PRKCA: variants seen among roughly 807,000 people sequenced by gnomAD.
PRKCA encodes the protein protein kinase C alpha type.
In PRKCA, 27 loss-of-function variants were observed where a neutral mutation model predicts 87.0. The observed-to-expected ratio is 0.31, with a 90% CI of 0.23 to 0.43. The LOEUF is 0.43. Among genes scored for constraint, PRKCA ranks in the 20% least tolerant of loss-of-function variants. The pLI is 1.00. For synonymous variants in PRKCA, 329 were observed against 311.1 expected, an observed-to-expected ratio of 1.06 and a Z score of -0.61; for missense variants, 518 against 852.3, an observed-to-expected ratio of 0.61 and a Z score of 4.88.
At chr17:66,671,941 T>A (rs1231061490) in intron 5 of PRKCA, among the ~76,000 whole-genome samples, 1 of 152,166 alleles carries the variant, frequency 6.6e-6, no homozygotes, top group Non-Finnish European at 1.5e-5. Flanking sequence ...TGTTGAGAAG[T>A]TGTCTAAACA....
intron 2 of PRKCA, among the ~76,000 whole-genome samples, chr17:66,467,177 T>C (rs1915124595): frequency 6.6e-6 from 1 of 152,116 alleles, no homozygotes; most frequent in Admixed American, 6.5e-5. Flanking sequence ...AAAGATCTTT[T>C]GGTTTGTATC....
intron 5 of PRKCA, among the ~76,000 whole-genome samples, chr17:66,649,097 CAA>C (rs919549017): frequency 2.5e-4 from 22 of 89,652 alleles, no homozygotes; most frequent in Non-Finnish European, 3.1e-4. Flanking sequence ...GAGTCCATCT[CAA>C]AAAAAAAAAA....
intron 3 of PRKCA, among the ~76,000 whole-genome samples, chr17:66,514,736 T>G (rs904638588): frequency 4.6e-5 from 7 of 152,018 alleles, no homozygotes; most frequent in Non-Finnish European, 8.8e-5. Flanking sequence ...GAGCCAAAGG[T>G]GAACTCAAAT....
intron 3 of PRKCA, among the ~76,000 whole-genome samples, chr17:66,568,615 G>A (rs1342322222): frequency 6.6e-6 from 1 of 152,074 alleles, no homozygotes; most frequent in East Asian, 1.9e-4. Context: ...TTTTTAAAAT[G>A]AAATTTTAAA....
chr17:66,645,559 G>A, intron 5 of PRKCA, 48 bp downstream of exon 5: 1 of 1,611,492 alleles, frequency 6.2e-7, no homozygotes, highest in Non-Finnish European at 8.5e-7. Flanking sequence ...GCATTTGGAT[G>A]AAGGTTACAC....
intron 8 of PRKCA, among the ~76,000 whole-genome samples, chr17:66,694,212 G>A (rs143159523): frequency 3.3e-5 from 5 of 152,192 alleles, no homozygotes; most frequent in African/African-American, 7.2e-5. Context: ...GGCCAGGCGC[G>A]GTGGCTCACG....
At position 66,503,796 on chromosome 17, in the gene PRKCA, G is replaced by T. The variant is rs61337606; in HGVS notation, c.288+7513G>T. ...AGATTCATTTATAATAAAATTTAAAGCATTTAAAATAAACCTAGAAATAAA... is the reference window on the plus strand; with the variant it reads ...AGATTCATTTATAATAAAATTTAAATCATTTAAAATAAACCTAGAAATAAA... On this transcript the variant is annotated intron_variant, in intron 3 of 16. Transcript: ENST00000413366. 6.7e-3 allele frequency among the ~76,000 whole-genome samples: 1,013 copies of T among 152,188 alleles called. 12 individuals are homozygous for T. The highest frequency in any genetic ancestry group is 0.023 in the African/African-American group (959 of 41,514).
At chr17:66,537,541 C>A (rs1967829746) in intron 3 of PRKCA, among the ~76,000 whole-genome samples, 2 of 152,200 alleles carry the variant, frequency 1.3e-5, no homozygotes, top group Admixed American at 6.5e-5. Context: ...AGACAGCTTT[C>A]TCTGTCATCC....
intron 2 of PRKCA, among the ~76,000 whole-genome samples, chr17:66,437,016 AT>A (rs1452493457): frequency 1.3e-5 from 2 of 152,116 alleles, no homozygotes; most frequent in African/African-American, 2.4e-5. Flanking sequence ...GTGATGGGAG[AT>A]TATAGGAAAA....
chr17:66,386,453 C>G (rs1890470587), intron 2 of PRKCA, among the ~76,000 whole-genome samples: 1 of 152,206 alleles, frequency 6.6e-6, no homozygotes, highest in Admixed American at 6.5e-5. Context: ...TTCGTCGACT[C>G]TGAGCAAGTT....
chr17:66,459,732 G>GTGA (rs1914759325), intron 2 of PRKCA, among the ~76,000 whole-genome samples: 1 of 152,206 alleles, frequency 6.6e-6, no homozygotes, highest in Admixed American at 6.5e-5. Flanking sequence ...TCCATCGGGG[G>GTGA]TGCTTTTAAG....
chr17:66,533,700 G>GC (rs869071167), intron 3 of PRKCA, among the ~76,000 whole-genome samples: 1 of 139,768 alleles, frequency 7.2e-6, no homozygotes, highest in African/African-American at 2.9e-5. Context: ...CCAGGCTGCC[G>GC]CCCCCACTGG....
chr17:66,374,192 A>G (rs1026368572), intron 2 of PRKCA, among the ~76,000 whole-genome samples: 1 of 152,040 alleles, frequency 6.6e-6, no homozygotes, highest in Non-Finnish European at 1.5e-5. Flanking sequence ...GAGCTTTCCC[A>G]TGAATCCTTC....
chr17:66,585,264 G>A (rs1325376399), intron 3 of PRKCA, among the ~76,000 whole-genome samples: 1 of 152,156 alleles, frequency 6.6e-6, no homozygotes, highest in East Asian at 1.9e-4. Flanking sequence ...ACACCTGGTT[G>A]ACAGAAGGGA....
intron 5 of PRKCA, among the ~76,000 whole-genome samples, chr17:66,663,874 T>G (rs868504177): frequency 0.014 from 624 of 44,548 alleles, 3 homozygotes; most frequent in African/African-American, 0.042. Flanking sequence ...ATTTTGGGGT[T>G]TTTTTTTTTT....
chr17:66,723,878 G>T (rs995725032), intron 8 of PRKCA, among the ~76,000 whole-genome samples: 1 of 152,112 alleles, frequency 6.6e-6, no homozygotes, highest in African/African-American at 2.4e-5. Context: ...GATTTGATCC[G>T]AGCTCTTTGG....
chr17:66,515,751 C>T (rs932163907), intron 3 of PRKCA, among the ~76,000 whole-genome samples: 39 of 152,122 alleles, frequency 2.6e-4, no homozygotes, highest in African/African-American at 8.5e-4. Flanking sequence ...CGCTATGTTG[C>T]CCTGGCTGGT....
chr17:66,696,905 A>G (rs2144073495), intron 8 of PRKCA, among the ~76,000 whole-genome samples: 1 of 152,162 alleles, frequency 6.6e-6, no homozygotes, highest in Admixed American at 6.5e-5. Context: ...GAGCTTTGGC[A>G]TCTGAGAGAC....
intron 8 of PRKCA, among the ~76,000 whole-genome samples, chr17:66,717,326 A>G (rs951633620): frequency 6.6e-6 from 1 of 152,186 alleles, no homozygotes; most frequent in African/African-American, 2.4e-5. Context: ...TACAACAGAG[A>G]CAGTATTTGG....
Sources: gnomAD v4.1 joint callset for allele counts (sites outside exome capture counted in the v4.1 genomes callset) on GRCh38, gnomAD v4.1.1 for gene constraint, MANE v1.5 for transcripts, NCBI Gene and HGNC (gene_info 2026-07-23, HGNC 2026-07-21) for gene names.